The following FRY variants were observed in gnomAD, a reference collection of about 807,000 sequenced individuals.
The protein encoded by FRY is FRY microtubule binding protein, also known as protein furry homolog.
Under a neutral mutation model 348.4 loss-of-function variants are expected in FRY, and 128 were observed. The ratio of observed to expected loss-of-function variants is 0.37; its 90% CI spans 0.32 to 0.43. FRY has a LOEUF of 0.43. Among genes scored for constraint, FRY ranks in the 20% least tolerant of loss-of-function variants. FRY has a pLI of 1.00. For missense variants in FRY, 2,736 were observed against 3,695.2 expected (o/e 0.74, Z 6.73); for synonymous variants, 1,370 against 1,374.7 (o/e 1.00, Z 0.08).
intron 17 of FRY, 74 bp from the exon 18 acceptor site, chr13:32,170,938 C>G (rs994839629): frequency 7.5e-6 from 8 of 1,065,216 alleles, no homozygotes; most frequent in Admixed American, 1.7e-5. Context: ...ACATTAATAT[C>G]TATTAATCCT....
intron 57 of FRY, 27 bp downstream of exon 57, chr13:32,276,589 G>T: frequency 8.2e-7 from 1 of 1,213,586 alleles, no homozygotes; most frequent in Non-Finnish European, 1.2e-6. Flanking sequence ...CTATGCATAT[G>T]CAGTCAGTTA....
At position 32,162,769 on chromosome 13, in the gene FRY, C is replaced by A. The variant is rs1011028259; in HGVS notation, c.1892+1518C>A. Among the ~76,000 whole-genome samples, 2 of 152,302 alleles carry A rather than the reference C, an allele frequency of 1.3e-5. 1 individual carries two copies. Among genetic ancestry groups the A allele is most frequent in the South Asian group, 4.1e-4 (2 of 4,830 alleles). On this transcript the variant is annotated intron_variant, in intron 17 of 60. Coordinates refer to ENST00000542859, the MANE Select transcript of FRY (RefSeq NM_023037.3). ...AGTCTCTTTCTGCTGTCATCAGCAGCCTTCCAGCCGTGGATCCTTCTTCCT... is the reference window on the plus strand; with the variant it reads ...AGTCTCTTTCTGCTGTCATCAGCAGACTTCCAGCCGTGGATCCTTCTTCCT...
intron 17 of FRY, among the ~76,000 whole-genome samples, chr13:32,162,935 G>A (rs969214449): frequency 2.6e-5 from 4 of 152,214 alleles, no homozygotes; most frequent in Non-Finnish European, 5.9e-5. Context: ...TTCAGGGCAA[G>A]GGGAAGACCT....
intron 20 of FRY, among the ~76,000 whole-genome samples, chr13:32,175,964 T>A (rs1882333523): frequency 6.6e-6 from 1 of 152,242 alleles, no homozygotes; most frequent in African/African-American, 2.4e-5. Context: ...GTACTTAATA[T>A]GTAACTTCTA....
At chr13:32,113,434 A>G (rs1878097868) in intron 3 of FRY, among the ~76,000 whole-genome samples, 1 of 152,242 alleles carries the variant, frequency 6.6e-6, no homozygotes. Context: ...GCAGCATAAC[A>G]GTCTCTTTTG....
chr13:32,155,627 G>C lies in FRY; in HGVS notation c.1616G>C (p.Ser539Thr). Residue 539 changes from serine to threonine, a missense_variant, in exon 15 of 61, where the codon AGT (serine) becomes ACT (threonine). Ser to Thr is a moderately conservative substitution (Grantham distance 58). This residue lies in a region of FRY where 191 missense variants were observed against 370.2 expected (regional missense o/e 0.52). Transcript: ENST00000542859. ...TTAAGAGTAAAGAAAACATATTTGA[G>C]TAAAACACTAACTGAAGAGGAAGCC... is the stretch of plus-strand genomic sequence containing the variant. ...NTLRVKKTYL[S>T]KTLTEEEAKM... The C allele has an allele frequency of 6.2e-7, 1 of 1,613,644 alleles. No individual in the cohort carries two copies. The highest frequency in any genetic ancestry group is 8.5e-7 in the Non-Finnish European group (1 of 1,179,770).
chr13:32,142,500 G>A (rs778108085), intron 11 of FRY, among the ~76,000 whole-genome samples: 17 of 152,148 alleles, frequency 1.1e-4, no homozygotes, highest in Admixed American at 6.5e-4. Context: ...CCCAGCTGTC[G>A]TTTACTAACC....
chr13:32,136,876 G>A lies in FRY; in HGVS notation c.1083G>A (p.Leu361=), dbSNP rs911690958. ...LSSRKKHSLA[L]YPLVTCLLCV... The stretch of plus-strand genomic sequence containing the variant: ...CTCCTCTCCTTTCTCCTCAGGCCTT[G>A]TACCCCCTGGTGACCTGTTTGCTCT... The change falls in exon 11 of 61, where the codon TTG becomes TTA. Residue 361 remains leucine (L), a synonymous_variant. Transcript: ENST00000542859. 6 of 1,579,464 alleles carry A rather than the reference G, an allele frequency of 3.8e-6. No homozygotes were observed. The African/African-American group carries it at 6.7e-5, about 18-fold the overall frequency.
At chr13:32,130,426 C>T (rs1879282763) in intron 7 of FRY, among the ~76,000 whole-genome samples, 1 of 144,918 alleles carries the variant, frequency 6.9e-6, no homozygotes, top group Non-Finnish European at 1.5e-5. Context: ...TACAATAAAT[C>T]TTAGACTGTT....
At chr13:32,179,058 T>C in intron 22 of FRY, 25 bp downstream of exon 22, 2 of 1,591,972 alleles carry the variant, frequency 1.3e-6, no homozygotes, top group South Asian at 2.2e-5. Context: ...TTCAGAAGAA[T>C]TATTCTGTAA....
intron 23 of FRY, among the ~76,000 whole-genome samples, chr13:32,180,481 C>G (rs73167186): frequency 5.3e-5 from 8 of 152,188 alleles, no homozygotes; most frequent in Non-Finnish European, 8.8e-5. Flanking sequence ...GTGATCCACC[C>G]GCCTCAGCCC....
chr13:32,036,513 A>G (rs912578473), intron 1 of FRY, among the ~76,000 whole-genome samples: 1 of 152,152 alleles, frequency 6.6e-6, no homozygotes, highest in African/African-American at 2.4e-5. Context: ...CAGTTCTTGA[A>G]TAACAATAAC....
chr13:32,095,319 T>C (rs969008433), intron 2 of FRY, among the ~76,000 whole-genome samples: 2 of 150,666 alleles, frequency 1.3e-5, no homozygotes, highest in African/African-American at 4.9e-5. Context: ...GTTGATTGTT[T>C]CCTTTGCTGT....
At chr13:32,166,719 C>T (rs1881759855) in intron 17 of FRY, among the ~76,000 whole-genome samples, 1 of 152,178 alleles carries the variant, frequency 6.6e-6, no homozygotes, top group Non-Finnish European at 1.5e-5. Flanking sequence ...GCTTTGTCCT[C>T]TTCACAGCTT....
intron 39 of FRY, 32 bp from the exon 40 acceptor site, chr13:32,228,424 T>A (rs1885721112): frequency 6.5e-7 from 1 of 1,528,338 alleles, no homozygotes. Context: ...CACTGCCTAG[T>A]ACATCCCTCC....
intron 3 of FRY, among the ~76,000 whole-genome samples, chr13:32,114,692 C>CTGAA (rs1878191061): frequency 6.6e-6 from 1 of 152,194 alleles, no homozygotes; most frequent in Non-Finnish European, 1.5e-5. Flanking sequence ...GTCAGAAACT[C>CTGAA]TGAATTCTGA....
chr13:32,253,401 C>T (rs1205513041), intron 50 of FRY, among the ~76,000 whole-genome samples: 1 of 152,086 alleles, frequency 6.6e-6, no homozygotes, highest in Non-Finnish European at 1.5e-5. Flanking sequence ...ATGATTTTGC[C>T]TACTTTTCAA....
At chr13:32,135,682 A>G (rs924238698) in intron 10 of FRY, among the ~76,000 whole-genome samples, 1 of 152,208 alleles carries the variant, frequency 6.6e-6, no homozygotes, top group African/African-American at 2.4e-5. Context: ...ACTGAAGAGC[A>G]GTATAGAAAA....
At chr13:32,243,916 A>AC in intron 46 of FRY, 126 bp from the exon 47 acceptor site, 3 of 1,016,348 alleles carry the variant, frequency 3.0e-6, no homozygotes, top group East Asian at 2.7e-5. Context: ...ACATAGCAAG[A>AC]CCCCATCTCC....
Sources: gnomAD v4.1 joint callset for allele counts (sites outside exome capture counted in the v4.1 genomes callset) on GRCh38, gnomAD v4.1.1 for gene constraint, gnomAD v4.1.1 regional missense constraint, MANE v1.5 for transcripts, NCBI Gene and HGNC (gene_info 2026-07-23, HGNC 2026-07-21) for gene names.